Variants in ZRANB3 observed in about 807,000 individuals in gnomAD.
ZRANB3 encodes zinc finger RANBP2-type containing 3.
In ZRANB3, 125 loss-of-function variants were observed where a neutral mutation model predicts 133.8. The observed-to-expected ratio is 0.93, with a 90% confidence interval of 0.81 to 1.08. The LOEUF (loss-of-function observed/expected upper bound fraction) is 1.08. Ranked by LOEUF, ZRANB3 falls within the 50% of genes least tolerant of loss-of-function variation. The pLI, the probability that ZRANB3 is intolerant of heterozygous loss-of-function variation, is 0.00. For synonymous variants in ZRANB3, 387 were observed against 432.7 expected, an observed-to-expected ratio of 0.89 and a Z score of 1.31; for missense variants, 1,229 against 1,275.5, an observed-to-expected ratio of 0.96 and a Z score of 0.56.
rs141688316 is a variant in ZRANB3 at position 135,415,386 on chromosome 2, A to G, written c.162-24566T>C. ...AATGGATAAATTCCTTGACACACAC[A>G]CTTTCCCAAGACTAAACCAGGAAGA... On this transcript the variant is annotated intron_variant, in intron 2 of 20. Coordinates refer to ENST00000264159, the MANE Select transcript of ZRANB3 (RefSeq NM_032143.4). 5.6e-3 allele frequency among the ~76,000 whole-genome samples: 854 copies of G among 152,254 alleles called. 4 individuals are homozygous for G. The highest frequency in any genetic ancestry group is 0.011 in the South Asian group (53 of 4,822).
intron 12 of ZRANB3, among the ~76,000 whole-genome samples, chr2:135,233,161 G>C (rs1019291982): frequency 3.9e-5 from 6 of 152,202 alleles, no homozygotes; most frequent in African/African-American, 1.4e-4. Flanking sequence ...AGCCTCAGTA[G>C]CCGATTTGAT....
At chr2:135,311,834 A>G (rs546935800) in intron 8 of ZRANB3, among the ~76,000 whole-genome samples, 1 of 152,316 alleles carries the variant, frequency 6.6e-6, no homozygotes, top group Non-Finnish European at 1.5e-5. Context: ...TAACATATAC[A>G]ACAACCTGAA....
intron 2 of ZRANB3, among the ~76,000 whole-genome samples, chr2:135,446,193 C>A (rs1235957403): frequency 1.4e-5 from 2 of 139,554 alleles, no homozygotes; most frequent in South Asian, 2.3e-4. Context: ...GCAACAAGAG[C>A]GAAACTCAAT....
chr2:135,234,958 T>C (rs1695218394), intron 12 of ZRANB3, among the ~76,000 whole-genome samples: 1 of 151,726 alleles, frequency 6.6e-6, no homozygotes, highest in South Asian at 2.1e-4. Flanking sequence ...CTGAAGGAAA[T>C]AGAGACACAA....
intron 2 of ZRANB3, among the ~76,000 whole-genome samples, chr2:135,455,879 C>A (rs1233451781): frequency 1.3e-5 from 2 of 152,300 alleles, no homozygotes; most frequent in Middle Eastern, 3.4e-3. Flanking sequence ...CAGGCATGAG[C>A]CACCGCGCCC....
Position 135,488,856 on chromosome 2 carries a change from CAT to C in ZRANB3, c.161+15471_161+15472del, listed in dbSNP as rs568718852. ...TACCATATTTGATTATACTATATAG[CAT>C]ATATGTTTTATTATACTATATAGCA... On this transcript the variant is annotated intron_variant, in intron 2 of 20. Transcript: ENST00000264159. Among the ~76,000 whole-genome samples, 105 of 150,158 alleles carry C rather than the reference CAT, an allele frequency of 7.0e-4. 1 individual carries two copies. Among genetic ancestry groups the C allele is most frequent in the Admixed American group, 3.0e-3 (46 of 15,192 alleles).
intron 2 of ZRANB3, among the ~76,000 whole-genome samples, chr2:135,429,763 G>A (rs542643563): frequency 8.5e-4 from 129 of 152,228 alleles, no homozygotes; most frequent in African/African-American, 2.9e-3. Context: ...TTAAGGGAGC[G>A]TAGGAGGCAG....
At chr2:135,203,727 T>C (rs1050649114) in intron 19 of ZRANB3, among the ~76,000 whole-genome samples, 3 of 151,952 alleles carry the variant, frequency 2.0e-5, no homozygotes, top group East Asian at 1.9e-4. Context: ...TTAATGTCAA[T>C]AGCTATTACC....
intron 8 of ZRANB3, among the ~76,000 whole-genome samples, chr2:135,281,365 C>T (rs1017587328): frequency 7.9e-5 from 12 of 151,054 alleles, no homozygotes; most frequent in Non-Finnish European, 1.5e-4. Flanking sequence ...TTTTTTAAAG[C>T]TCTTTTAATG....
At chr2:135,488,655 A>G (rs1692233285) in intron 2 of ZRANB3, among the ~76,000 whole-genome samples, 1 of 151,904 alleles carries the variant, frequency 6.6e-6, no homozygotes, top group Non-Finnish European at 1.5e-5. Flanking sequence ...GCAAAGCACA[A>G]TTTGTAAAAA....
At chr2:135,393,872 T>C (rs1687355368) in intron 2 of ZRANB3, among the ~76,000 whole-genome samples, 1 of 152,158 alleles carries the variant, frequency 6.6e-6, no homozygotes. Context: ...TAACCTTTTT[T>C]TTTTAGATGG....
At chr2:135,297,232 G>A (rs891106250) in intron 8 of ZRANB3, among the ~76,000 whole-genome samples, 5 of 152,138 alleles carry the variant, frequency 3.3e-5, no homozygotes, top group African/African-American at 1.2e-4. Flanking sequence ...CACCGAGTTC[G>A]AGCTTCCCGG....
chr2:135,382,039 T>C (rs543837269), intron 3 of ZRANB3, among the ~76,000 whole-genome samples: 3 of 152,242 alleles, frequency 2.0e-5, no homozygotes, highest in Admixed American at 2.0e-4. Flanking sequence ...ACGATCAAAC[T>C]TCTTCGAGCT....
chr2:135,320,268 A>C (rs1032256232), intron 6 of ZRANB3, among the ~76,000 whole-genome samples: 9 of 152,230 alleles, frequency 5.9e-5, no homozygotes, highest in Non-Finnish European at 1.3e-4. Flanking sequence ...AAATTATCAA[A>C]CAAATTTGTA....
At chr2:135,424,545 C>T (rs1361173650) in intron 2 of ZRANB3, among the ~76,000 whole-genome samples, 1 of 152,102 alleles carries the variant, frequency 6.6e-6, no homozygotes, top group African/African-American at 2.4e-5. Flanking sequence ...CCAGACTGGC[C>T]GATATGGTGA....
chr2:135,450,482 G>A (rs1690219403), intron 2 of ZRANB3, among the ~76,000 whole-genome samples: 1 of 152,038 alleles, frequency 6.6e-6, no homozygotes, highest in South Asian at 2.1e-4. Context: ...AGGTCAAACA[G>A]CTAGTAGTAG....
chr2:135,388,348 A>G (rs1687074310), intron 3 of ZRANB3, among the ~76,000 whole-genome samples: 1 of 152,186 alleles, frequency 6.6e-6, no homozygotes, highest in African/African-American at 2.4e-5. Context: ...AAACCATATC[A>G]GAAGGGTTAT....
chr2:135,470,946 C>T (rs1217814379), intron 2 of ZRANB3, among the ~76,000 whole-genome samples: 2 of 151,040 alleles, frequency 1.3e-5, no homozygotes, highest in Non-Finnish European at 2.9e-5. Flanking sequence ...GGACTACAGG[C>T]GCCCGCCACC....
At chr2:135,525,222 T>C (rs951407492) in intron 1 of ZRANB3, among the ~76,000 whole-genome samples, 8 of 152,010 alleles carry the variant, frequency 5.3e-5, no homozygotes, top group Admixed American at 3.3e-4. Context: ...CACCAAAGGA[T>C]AATAAACATA....
Sources: gnomAD v4.1 joint callset for allele counts (sites outside exome capture counted in the v4.1 genomes callset) on GRCh38, gnomAD v4.1.1 for gene constraint, MANE v1.5 for transcripts, NCBI Gene and HGNC (gene_info 2026-07-23, HGNC 2026-07-21) for gene names.